Variants in KAZN observed in about 807,000 individuals in gnomAD.
KAZN encodes kazrin, periplakin interacting protein.
In KAZN, 40 loss-of-function variants were observed where a neutral mutation model predicts 87.4. That is an observed-to-expected ratio of 0.46 (90% CI 0.36 to 0.60). The LOEUF (loss-of-function observed/expected upper bound fraction) is 0.60, where lower values mean the gene tolerates loss of function less well. KAZN is among the 20% of genes least tolerant of loss of function. The pLI is 0.00. For missense variants in KAZN, 898 were observed against 1,073.9 expected (o/e 0.84, Z 2.29); for synonymous variants, 466 against 458.3 (o/e 1.02, Z -0.22).
At chr1:13,929,709 A>G (rs1640434976) in intron 1 of KAZN, among the ~76,000 whole-genome samples, 1 of 152,192 alleles carries the variant, frequency 6.6e-6, no homozygotes, top group South Asian at 2.1e-4. Flanking sequence ...GGCATAGGAA[A>G]GGGATGGGGG....
chr1:15,076,944 C>T (rs560707971), intron 8 of KAZN, among the ~76,000 whole-genome samples: 3 of 152,216 alleles, frequency 2.0e-5, no homozygotes, highest in East Asian at 1.9e-4. Flanking sequence ...ATTTCAACTA[C>T]GCCACAAACT....
At chr1:14,305,449 GT>G (rs986306747) in intron 2 of KAZN, among the ~76,000 whole-genome samples, 6 of 152,014 alleles carry the variant, frequency 3.9e-5, no homozygotes, top group African/African-American at 1.4e-4. Flanking sequence ...CCCAGAAAAG[GT>G]TGGAAAAAAA....
intron 1 of KAZN, among the ~76,000 whole-genome samples, chr1:14,853,034 T>C (rs1487695814): frequency 6.6e-6 from 1 of 152,174 alleles, no homozygotes; most frequent in East Asian, 1.9e-4. Context: ...GAACCACAGA[T>C]CTAGGGAATG....
At chr1:14,919,871 T>C (rs183488244) in intron 1 of KAZN, among the ~76,000 whole-genome samples, 61 of 152,304 alleles carry the variant, frequency 4.0e-4, no homozygotes, top group African/African-American at 1.4e-3. Flanking sequence ...ATGTTGTACA[T>C]AGGAGCAATA....
At chr1:14,609,755 C>T (rs1245003644) in intron 1 of KAZN, among the ~76,000 whole-genome samples, 1 of 152,234 alleles carries the variant, frequency 6.6e-6, no homozygotes, top group Non-Finnish European at 1.5e-5. Flanking sequence ...GTGGACCCTT[C>T]CAAGTGGTCC....
chr1:15,115,401 A>G lies in KAZN; in HGVS notation c.*766A>G, dbSNP rs1263698252. 6.6e-6 allele frequency: 1 copy of G among 152,210 alleles called. No individual in the cohort carries two copies. Among genetic ancestry groups the G allele is most frequent in the Non-Finnish European group, 1.5e-5 (1 of 68,042 alleles). The allele number at this position is 152,210 out of a possible 1,614,324, so 9.4% of individuals were successfully genotyped here. The stretch of plus-strand genomic sequence containing the variant: ...ATATCCTATCACCAGAATGAAAGCT[A>G]TTGGGACAACAGGATCGGGGATGAC... On this transcript the variant is annotated 3_prime_UTR_variant, in exon 15 of 15. Transcript: ENST00000376030. This position sits in a 1 kb window ranked among gnomAD's most constrained non-coding sequence, Gnocchi z 4.1.
chr1:14,195,201 TAAGGCTGTTCCTTCTTC>T (rs921677496), intron 2 of KAZN, among the ~76,000 whole-genome samples: 15 of 152,206 alleles, frequency 9.9e-5, no homozygotes, highest in Admixed American at 5.2e-4. Flanking sequence ...AATTCACTGA[TAAGGCTGTTCCTTCTTC>T]AAGGCTGTTC....
intron 1 of KAZN, among the ~76,000 whole-genome samples, chr1:14,883,588 C>T (rs1176196418): frequency 1.3e-5 from 2 of 150,940 alleles, no homozygotes; most frequent in African/African-American, 2.5e-5. Flanking sequence ...CCTCACCTCC[C>T]GCCTACCCAA....
intron 8 of KAZN, among the ~76,000 whole-genome samples, chr1:15,074,808 T>A (rs1639667525): frequency 6.6e-6 from 1 of 152,178 alleles, no homozygotes; most frequent in Admixed American, 6.5e-5. Context: ...TGCTGTGCCT[T>A]CGTTTCTTCA....
At chr1:14,072,620 A>G (rs113869187) in intron 1 of KAZN, among the ~76,000 whole-genome samples, 2,496 of 152,264 alleles carry the variant, frequency 0.016, 36 homozygotes, top group Middle Eastern at 0.044. Flanking sequence ...GTATCCTTCC[A>G]CTGGTGAGAG....
chr1:14,114,122 G>A (rs1455750490), intron 1 of KAZN, among the ~76,000 whole-genome samples: 1 of 152,218 alleles, frequency 6.6e-6, no homozygotes, highest in Non-Finnish European at 1.5e-5. Flanking sequence ...TGAGCCCCAG[G>A]CCAGCCATGG....
intron 2 of KAZN, among the ~76,000 whole-genome samples, chr1:15,016,001 C>T (rs1486326616): frequency 6.6e-6 from 1 of 152,176 alleles, no homozygotes; most frequent in Admixed American, 6.5e-5. Flanking sequence ...CACCCGGAAC[C>T]TGTGCACATG....
chr1:14,912,045 G>T (rs1038284069), intron 1 of KAZN, among the ~76,000 whole-genome samples: 1 of 149,656 alleles, frequency 6.7e-6, no homozygotes, highest in African/African-American at 2.5e-5. Flanking sequence ...CCAGCTACTT[G>T]GGAGGCTGAG....
intron 1 of KAZN, among the ~76,000 whole-genome samples, chr1:14,027,093 A>G (rs1641110603): frequency 6.6e-6 from 1 of 152,210 alleles, no homozygotes; most frequent in Non-Finnish European, 1.5e-5. Flanking sequence ...CTCCTAAGGT[A>G]AACACTTTAT....
At chr1:14,883,020 G>A (rs1256004868) in intron 1 of KAZN, among the ~76,000 whole-genome samples, 1 of 152,046 alleles carries the variant, frequency 6.6e-6, no homozygotes, top group Non-Finnish European at 1.5e-5. Flanking sequence ...TCTTGGCCGG[G>A]CACGGTGGCT....
intron 1 of KAZN, among the ~76,000 whole-genome samples, chr1:13,980,534 T>A (rs1638608833): frequency 6.6e-6 from 1 of 152,070 alleles, no homozygotes; most frequent in African/African-American, 2.4e-5. Flanking sequence ...AAGAGAAAAT[T>A]TCATAAGAGT....
intron 1 of KAZN, among the ~76,000 whole-genome samples, chr1:14,090,471 A>G (rs1400868206): frequency 6.6e-6 from 1 of 151,982 alleles, no homozygotes; most frequent in Non-Finnish European, 1.5e-5. Context: ...CATCTCTAGA[A>G]GCTTGATTCA....
At chr1:14,643,511 T>C (rs1332569641) in intron 1 of KAZN, among the ~76,000 whole-genome samples, 1 of 152,268 alleles carries the variant, frequency 6.6e-6, no homozygotes, top group East Asian at 1.9e-4. Context: ...TCGTTTTTTA[T>C]GGCTGCATAG....
Position 14,022,646 on chromosome 1 carries a change from A to G in KAZN, c.91+128890A>G, listed in dbSNP as rs866610040. Among the ~76,000 whole-genome samples the G allele has an allele frequency of 4.6e-5, 7 of 152,296 alleles. No individual in the cohort carries two copies. In the South Asian group the frequency reaches 1.0e-3, roughly 23 times the overall value. On this transcript the variant is annotated intron_variant, in intron 1 of 16. Coordinates refer to the KAZN transcript ENST00000636203. Reference sequence around the variant, plus strand: ...TTCTGTTTGTATTTGAAGACCAAAGACCTTGAGTAGTGGTCTCAAGTGGTC... The same window carrying G: ...TTCTGTTTGTATTTGAAGACCAAAGGCCTTGAGTAGTGGTCTCAAGTGGTC...
Sources: gnomAD v4.1 joint callset for allele counts (sites outside exome capture counted in the v4.1 genomes callset) on GRCh38, gnomAD v4.1.1 for gene constraint, Gnocchi (gnomAD v3.1) non-coding constraint, MANE v1.5 for transcripts, NCBI Gene and HGNC (gene_info 2026-07-23, HGNC 2026-07-21) for gene names.